ANXA3: variants seen among roughly 807,000 people sequenced by gnomAD.
ANXA3 encodes annexin A3, also known as 35-alpha calcimedin.
In ANXA3, 46 loss-of-function variants were observed where a neutral mutation model predicts 48.8. That is an observed-to-expected ratio of 0.94 (90% CI 0.74 to 1.21). ANXA3 has a LOEUF of 1.21. Among genes scored for constraint, ANXA3 ranks in the 50% most tolerant of loss-of-function variants. The probability of loss-of-function intolerance (pLI) is 0.00; values close to 1 mark genes in which losing one functional copy is unlikely to be tolerated. For missense variants in ANXA3, 383 were observed against 378.6 expected (o/e 1.01, Z -0.10); for synonymous variants, 128 against 134.7 (o/e 0.95, Z 0.35).
chr4:78,603,044 C>T (rs1283599759), intron 11 of ANXA3: 1 of 152,382 alleles, frequency 6.6e-6, no homozygotes, highest in East Asian at 1.9e-4. Context: ...AGAGGTCTCC[C>T]CTAACTGTAC....
intron 2 of ANXA3, among the ~76,000 whole-genome samples, chr4:78,561,887 T>C (rs936626924): frequency 1.3e-5 from 2 of 152,202 alleles, no homozygotes; most frequent in Non-Finnish European, 2.9e-5. Flanking sequence ...GGATTTCAAA[T>C]CAAAACATTT....
chr4:78,604,029 C>A, intron 11 of ANXA3: 1 of 321,254 alleles, frequency 3.1e-6, no homozygotes, highest in Non-Finnish European at 5.6e-6. Flanking sequence ...TGCCTGTATT[C>A]TTTACAAAAC....
intron 6 of ANXA3, among the ~76,000 whole-genome samples, chr4:78,587,476 A>T (rs2109940468): frequency 6.6e-6 from 1 of 152,362 alleles, no homozygotes; most frequent in South Asian, 2.1e-4. Context: ...CCTCCCAGGA[A>T]TCAGGAATAA....
intron 2 of ANXA3, among the ~76,000 whole-genome samples, chr4:78,559,211 G>A (rs1722576959): frequency 6.6e-6 from 1 of 151,912 alleles, no homozygotes; most frequent in Non-Finnish European, 1.5e-5. Context: ...TCCTGAGTAG[G>A]TGGGACCACA....
chr4:78,582,133 A>C (rs1322132054), intron 4 of ANXA3, 44 bp from the exon 5 acceptor site: 2 of 1,343,854 alleles, frequency 1.5e-6, no homozygotes, highest in East Asian at 4.6e-5. Flanking sequence ...AGAGAAAGAG[A>C]AAAAAAGTAT....
chr4:78,604,242 A>G (rs1446172176), intron 11 of ANXA3, 35 bp from the exon 12 acceptor site: 1 of 1,563,818 alleles, frequency 6.4e-7, no homozygotes, highest in African/African-American at 1.4e-5. Context: ...GTGACCAATG[A>G]CATTTGTGTT....
chr4:78,565,680 C>T lies in ANXA3; in HGVS notation c.16-7500C>T, dbSNP rs191933946. ...CCACAAACTACCTATGTGACCTTGG[C>T]GAGTGTCTTAACCGCTCTGGACCCT... On this transcript the variant is annotated intron_variant, in intron 2 of 12. Transcript: ENST00000264908. 7.2e-5 allele frequency among the ~76,000 whole-genome samples: 11 copies of T among 152,290 alleles called. No homozygotes were observed. In the East Asian group the frequency reaches 1.5e-3, roughly 21 times the overall value.
At chr4:78,593,126 C>CACACACAT in intron 7 of ANXA3, among the ~76,000 whole-genome samples, 2 of 151,154 alleles carry the variant, frequency 1.3e-5, no homozygotes, top group East Asian at 3.9e-4. Context: ...CACACACACA[C>CACACACAT]ACACACACAC....
chr4:78,582,617 T>A (rs1475134096), intron 5 of ANXA3, among the ~76,000 whole-genome samples: 2 of 152,136 alleles, frequency 1.3e-5, no homozygotes, highest in African/African-American at 4.8e-5. Flanking sequence ...TGTTTTCTCT[T>A]ACCCTTCCAA....
intron 2 of ANXA3, among the ~76,000 whole-genome samples, chr4:78,563,806 A>G (rs926027423): frequency 2.0e-5 from 3 of 152,164 alleles, no homozygotes; most frequent in Non-Finnish European, 4.4e-5. Context: ...ATTTCTCCAT[A>G]TATCCAGGAA....
At chr4:78,604,197 C>A in intron 11 of ANXA3, 80 bp from the exon 12 acceptor site, 1 of 1,329,692 alleles carries the variant, frequency 7.5e-7, no homozygotes, top group East Asian at 2.5e-5. Flanking sequence ...ACACCATTAT[C>A]TGATTCTTAT....
chr4:78,598,144 A>T (rs1162568392), intron 10 of ANXA3, among the ~76,000 whole-genome samples: 1 of 151,692 alleles, frequency 6.6e-6, no homozygotes, highest in African/African-American at 2.4e-5. Flanking sequence ...CAGTTTGGGC[A>T]ACATAGCAAG....
chr4:78,566,704 T>C (rs902864382), intron 2 of ANXA3, among the ~76,000 whole-genome samples: 4 of 151,966 alleles, frequency 2.6e-5, no homozygotes, highest in African/African-American at 7.3e-5. Flanking sequence ...AAATTACCTA[T>C]TGAGCACAGG....
chr4:78,554,541 A>G (rs1297624175), intron 2 of ANXA3, 53 bp downstream of exon 2: 4 of 1,543,234 alleles, frequency 2.6e-6, no homozygotes, highest in Non-Finnish European at 3.6e-6. Flanking sequence ...GTCAAACCAA[A>G]ACACAGAAGG....
At chr4:78,593,069 G>C (rs997104225) in intron 7 of ANXA3, among the ~76,000 whole-genome samples, 9 of 150,142 alleles carry the variant, frequency 6.0e-5, no homozygotes, top group African/African-American at 2.2e-4. Flanking sequence ...TTTGTCTCCT[G>C]TCTTTCCATA....
At chr4:78,602,590 G>T (rs1012602860) in intron 11 of ANXA3, 2 of 152,250 alleles carry the variant, frequency 1.3e-5, no homozygotes, top group African/African-American at 4.8e-5. Context: ...TTGCTTGTCT[G>T]TCTTTACTGC....
At chr4:78,577,844 A>G (rs1440916549) in intron 3 of ANXA3, among the ~76,000 whole-genome samples, 2 of 152,116 alleles carry the variant, frequency 1.3e-5, no homozygotes, top group Admixed American at 6.5e-5. Context: ...AATTAATTAG[A>G]CACAACTTTC....
intron 1 of ANXA3, 95 bp from the exon 2 acceptor site, chr4:78,554,341 A>G: frequency 6.9e-6 from 6 of 868,408 alleles, no homozygotes; most frequent in South Asian, 2.9e-5. Flanking sequence ...GAATGTTGAC[A>G]TCTGTTTTCT....
Position 78,587,246 on chromosome 4 carries a change from T to C in ANXA3, c.403+896T>C, listed in dbSNP as rs1414430874. Among the ~76,000 whole-genome samples the C allele has an allele frequency of 5.0e-4, 76 of 152,210 alleles. 1 individual carries two copies. Among genetic ancestry groups the C allele is most frequent in the Non-Finnish European group, 2.9e-5 (2 of 68,022 alleles). Reference sequence around the variant, plus strand: ...TATATAAGCATGATTGGTTGAACCATTGTTCATGTGATTGAACCAGTCCAC... The same window carrying C: ...TATATAAGCATGATTGGTTGAACCACTGTTCATGTGATTGAACCAGTCCAC... On this transcript the variant is annotated intron_variant, in intron 6 of 12. Transcript: ENST00000264908.
Sources: allele counts gnomAD v4.1 joint callset (sites outside exome capture counted in the v4.1 genomes callset), GRCh38; gene constraint gnomAD v4.1.1; transcripts MANE v1.5; gene names NCBI Gene and HGNC (gene_info 2026-07-23, HGNC 2026-07-21).